Variants in CHD7 observed in about 807,000 individuals in gnomAD.
CHD7 encodes ATP-dependent chromatin remodeler CHD7.
A neutral mutation model predicts 307.3 loss-of-function variants in CHD7; 24 were observed. The observed-to-expected ratio is 0.08, with a 90% CI of 0.06 to 0.11. The LOEUF is 0.11. Ranked by LOEUF, CHD7 falls within the 10% of genes least tolerant of loss-of-function variation. CHD7 has a pLI of 1.00. For missense variants in CHD7, 3,106 were observed against 3,727.1 expected, an observed-to-expected ratio of 0.83 and a Z score of 4.34; for synonymous variants, 1,363 against 1,349.9, an observed-to-expected ratio of 1.01 and a Z score of -0.21.
chr8:60,777,689 A>G (rs142100820), intron 2 of CHD7, among the ~76,000 whole-genome samples: 28 of 152,302 alleles, frequency 1.8e-4, no homozygotes, highest in Admixed American at 3.9e-4. Context: ...GTTGTGAACA[A>G]TGGAGTTAAG....
chr8:60,852,410 A>G, intron 29 of CHD7, 88 bp from the exon 30 acceptor site: 1 of 1,376,926 alleles, frequency 7.3e-7, no homozygotes, highest in African/African-American at 1.4e-5. Context: ...ACTACCATGT[A>G]TAAAGTCTGG....
chr8:60,726,738 C>CT lies in CHD7; in HGVS notation c.-174-14514dup, dbSNP rs199644120. Among the ~76,000 whole-genome samples the CT allele has an allele frequency of 8.5e-5, 13 of 152,244 alleles. No individual in the cohort carries two copies. In the East Asian group the frequency reaches 2.5e-3, roughly 29 times the overall value. ...GTGGGCCCAGAGTGTTTTGTTGGTTCTTTTTTTAACACAAGCACCTCATGA... is the reference window on the plus strand; with the variant it reads ...GTGGGCCCAGAGTGTTTTGTTGGTTCTTTTTTTTAACACAAGCACCTCATGA... On this transcript the variant is annotated intron_variant, in intron 1 of 37. Coordinates refer to ENST00000423902, the MANE Select transcript of CHD7 (RefSeq NM_017780.4).
chr8:60,783,644 A>G (rs995163115), intron 3 of CHD7, among the ~76,000 whole-genome samples: 1 of 152,178 alleles, frequency 6.6e-6, no homozygotes, highest in African/African-American at 2.4e-5. Context: ...AATGCCTGCT[A>G]TAGGCAACAG....
chr8:60,763,109 G>A (rs1288940243), intron 2 of CHD7, among the ~76,000 whole-genome samples: 4 of 152,164 alleles, frequency 2.6e-5, no homozygotes, highest in Non-Finnish European at 4.4e-5. Context: ...GGCCATATGT[G>A]CCGTGTAAAA....
Position 60,853,258 on chromosome 8 carries a change from C to G in CHD7, c.6533C>G (p.Pro2178Arg), listed in dbSNP as rs1477630480. Residue 2178 changes from proline (P) to arginine (R), a missense_variant, in exon 31 of 38, where the codon CCT (proline) becomes CGT (arginine). Transcript: ENST00000423902. ...CAAGCCGAAGGCAAAGTGGAGGAGC[C>G]TGAAAACCCAGCTGCCAAGGAGAAA... ...LEQAEGKVEEPENPAAKEKCE... is the reference protein window; with the variant it reads ...LEQAEGKVEERENPAAKEKCE... The G allele has an allele frequency of 1.9e-6, 3 of 1,612,982 alleles. No homozygotes were observed. The South Asian group carries it at 3.3e-5, about 18-fold the overall frequency.
chr8:60,690,292 T>G (rs2150487096), intron 1 of CHD7, among the ~76,000 whole-genome samples: 1 of 152,342 alleles, frequency 6.6e-6, no homozygotes, highest in East Asian at 1.9e-4. Context: ...TATAGTTTTT[T>G]TCTTTTCACA....
At chr8:60,784,323 T>C (rs1396432501) in intron 3 of CHD7, among the ~76,000 whole-genome samples, 6 of 152,208 alleles carry the variant, frequency 3.9e-5, no homozygotes. Flanking sequence ...AATTTGTTTA[T>C]ACAGAAAATA....
intron 26 of CHD7, 60 bp downstream of exon 26, chr8:60,850,682 G>A: frequency 1.3e-6 from 2 of 1,535,430 alleles, no homozygotes; most frequent in Non-Finnish European, 1.8e-6. Flanking sequence ...CTATTGGCAG[G>A]GTTCAGTTCT....
intron 12 of CHD7, among the ~76,000 whole-genome samples, chr8:60,823,533 G>A (rs1399860269): frequency 6.6e-6 from 1 of 152,062 alleles, no homozygotes; most frequent in Non-Finnish European, 1.5e-5. Context: ...TTTAGATTTG[G>A]GAAATTATTA....
rs1804991199 is a variant in CHD7 at position 60,841,891 on chromosome 8, G to GCTC, written c.4690_4692dup (p.Leu1564dup). On this transcript the variant is annotated inframe_insertion, in exon 21 of 38. Transcript: ENST00000423902. ...CTCCAAGAGTGAGAAAGCAGACCAG[G>GCTC]CTCTACAGTGCAGTGAAGGAAGATG... The GCTC allele has an allele frequency of 6.2e-7, 1 of 1,609,852 alleles. No homozygotes were observed. The highest frequency in any genetic ancestry group is 1.7e-5 in the Admixed American group (1 of 59,312).
chr8:60,747,948 C>G (rs1161293936), intron 2 of CHD7, among the ~76,000 whole-genome samples: 2 of 152,232 alleles, frequency 1.3e-5, no homozygotes, highest in African/African-American at 2.4e-5. Context: ...AGCAAGTGTT[C>G]AGAATTGCCT....
chr8:60,709,689 CAAAA>C (rs34655528), intron 1 of CHD7, among the ~76,000 whole-genome samples: 1 of 151,916 alleles, frequency 6.6e-6, no homozygotes, highest in African/African-American at 2.4e-5. Flanking sequence ...ATTCATATCT[CAAAA>C]AAGGGAAACT....
chr8:60,727,522 T>TTAAG (rs1312876169), intron 1 of CHD7, among the ~76,000 whole-genome samples: 1 of 152,188 alleles, frequency 6.6e-6, no homozygotes, highest in East Asian at 1.9e-4. Context: ...TGTCTTACCT[T>TTAAG]CCCTCTTTCT....
At chr8:60,714,531 C>T (rs1391232098) in intron 1 of CHD7, among the ~76,000 whole-genome samples, 1 of 152,094 alleles carries the variant, frequency 6.6e-6, no homozygotes, top group Non-Finnish European at 1.5e-5. Context: ...GGGTCATCTC[C>T]AGCGCTGGCA....
chr8:60,821,257 A>T (rs1386672828), intron 9 of CHD7, among the ~76,000 whole-genome samples: 2 of 152,226 alleles, frequency 1.3e-5, no homozygotes, highest in South Asian at 2.1e-4. Flanking sequence ...GATAAAAAAA[A>T]TCTCAAATTC....
intron 2 of CHD7, among the ~76,000 whole-genome samples, chr8:60,753,604 TTTTTGTTTTGTTTTC>T (rs1466810390): frequency 4.0e-5 from 6 of 151,654 alleles, no homozygotes; most frequent in Middle Eastern, 3.2e-3. Flanking sequence ...TAAGATCAGT[TTTTTGTTTTGTTTTC>T]TTTTGTTTTG....
At chr8:60,809,128 A>T (rs1240334476) in intron 7 of CHD7, among the ~76,000 whole-genome samples, 1 of 152,170 alleles carries the variant, frequency 6.6e-6, no homozygotes. Flanking sequence ...ATCAGGTGCC[A>T]TGGGTTTTCT....
At chr8:60,745,216 A>C (rs998854266) in intron 2 of CHD7, among the ~76,000 whole-genome samples, 2 of 152,156 alleles carry the variant, frequency 1.3e-5, no homozygotes, top group Admixed American at 6.5e-5. Context: ...TTCCCTGGAA[A>C]GTTTCTTACT....
intron 8 of CHD7, among the ~76,000 whole-genome samples, chr8:60,819,046 C>T (rs756254913): frequency 9.2e-5 from 14 of 152,242 alleles, no homozygotes; most frequent in East Asian, 1.9e-4. Context: ...CTCCGCCTCC[C>T]GGGTTCAGGC....
Sources: allele counts gnomAD v4.1 joint callset (sites outside exome capture counted in the v4.1 genomes callset), GRCh38; gene constraint gnomAD v4.1.1; transcripts MANE v1.5; gene names NCBI Gene and HGNC (gene_info 2026-07-23, HGNC 2026-07-21).